The following EZH2 variants were observed in gnomAD, a reference collection of about 807,000 sequenced individuals.
EZH2 encodes the protein histone-lysine N-methyltransferase EZH2.
A neutral mutation model predicts 98.4 loss-of-function variants in EZH2; 18 were observed. The observed-to-expected ratio is 0.18, with a 90% confidence interval of 0.13 to 0.27. The LOEUF (loss-of-function observed/expected upper bound fraction) is 0.27, where lower values mean the gene tolerates loss of function less well. EZH2 is among the 10% of genes least tolerant of loss of function. The probability of loss-of-function intolerance (pLI) is 1.00; values close to 1 mark genes in which losing one functional copy is unlikely to be tolerated. For missense variants in EZH2, 470 were observed against 935.1 expected, an observed-to-expected ratio of 0.50 and a Z score of 6.49; for synonymous variants, 338 against 312.3, an observed-to-expected ratio of 1.08 and a Z score of -0.87.
intron 8 of EZH2, among the ~76,000 whole-genome samples, chr7:148,820,379 A>G (rs1480249188): frequency 6.6e-6 from 1 of 152,228 alleles, no homozygotes; most frequent in Admixed American, 6.5e-5. Context: ...ACTTCACAGA[A>G]TTTCTTGCAA....
chr7:148,811,748 C>G (rs1446032945), intron 15 of EZH2, 28 bp from the exon 16 acceptor site: 5 of 1,577,570 alleles, frequency 3.2e-6, no homozygotes, highest in Non-Finnish European at 4.3e-6. Flanking sequence ...ATCACATCAT[C>G]AAAAAAGGAG....
At chr7:148,825,418 A>T (rs1009499184) in intron 8 of EZH2, among the ~76,000 whole-genome samples, 1 of 152,226 alleles carries the variant, frequency 6.6e-6, no homozygotes, top group Non-Finnish European at 1.5e-5. Flanking sequence ...AAGTTTTTCT[A>T]TTTTAAGATA....
At chr7:148,862,570 GGTTT>G (rs761050034) in intron 1 of EZH2, among the ~76,000 whole-genome samples, 31 of 152,214 alleles carry the variant, frequency 2.0e-4, no homozygotes, top group Middle Eastern at 3.4e-3. Flanking sequence ...GAATAATCAT[GGTTT>G]GTCAGACCCT....
intron 9 of EZH2, among the ~76,000 whole-genome samples, chr7:148,818,512 T>G (rs1371524759): frequency 6.6e-6 from 1 of 152,228 alleles, no homozygotes; most frequent in Non-Finnish European, 1.5e-5. Context: ...AAGAATCATA[T>G]ACCTAATGTG....
intron 1 of EZH2, among the ~76,000 whole-genome samples, chr7:148,872,550 G>A (rs1430746508): frequency 1.3e-5 from 2 of 152,174 alleles, no homozygotes; most frequent in Admixed American, 1.3e-4. Context: ...ATTAGGTACA[G>A]GTTAGGTTCT....
In EZH2 at chr7:148,867,220, G is replaced by C. The variant is rs372633604; in HGVS notation, c.-8+16944C>G. Among the ~76,000 whole-genome samples the C allele has an allele frequency of 2.7e-4, 41 of 152,070 alleles. No individual in the cohort carries two copies. In the East Asian group the frequency reaches 7.8e-3, roughly 29 times the overall value. The stretch of plus-strand genomic sequence containing the variant: ...AGGCAACTGTAATCCCAGCTACTCG[G>C]GAGGCTGAGGCAGGAGAATCACTTG... On this transcript the variant is annotated intron_variant, in intron 1 of 19. Transcript: ENST00000320356.
intron 3 of EZH2, chr7:148,836,813 T>G: frequency 2.0e-6 from 1 of 494,288 alleles, no homozygotes; most frequent in Non-Finnish European, 4.0e-6. Context: ...TGAGGATGGA[T>G]AGACTTACAT....
At position 148,828,768 on chromosome 7, in the gene EZH2, C is replaced by T. The variant is rs1563243840; in HGVS notation, c.597G>A (p.Lys199=). 1.9e-6 allele frequency: 3 copies of T among 1,613,264 alleles called. No individual in the cohort carries two copies. In the African/African-American group the frequency reaches 4.0e-5, roughly 22 times the overall value. The change falls in exon 6 of 20, where the codon AAG becomes AAA. Residue 199 remains lysine (K), a synonymous_variant. Coordinates refer to ENST00000320356, the MANE Select transcript of EZH2 (RefSeq NM_004456.5). ...DGDDPEEREE[K]QKDLEDHRDD... ...CTCGGTGATCCTCCAGATCTTTCTG[C>T]TTTTCTTCTCTTTCTTCAGGATCGT...
In EZH2 at chr7:148,837,874, G is replaced by A. The variant is rs144343902; in HGVS notation, c.247-5124C>T. Among the ~76,000 whole-genome samples the A allele has an allele frequency of 1.7e-4, 26 of 152,278 alleles. No individual in the cohort carries two copies. The East Asian group carries it at 5.0e-3, about 29-fold the overall frequency. On this transcript the variant is annotated intron_variant, in intron 3 of 19. Coordinates refer to ENST00000320356, the MANE Select transcript of EZH2 (RefSeq NM_004456.5). The stretch of plus-strand genomic sequence containing the variant: ...CAGATTGTAAATTATTTCAGTTTGT[G>A]TTGTTCAGTATTTGTTACAGACCAA...
At position 148,855,830 on chromosome 7, in the gene EZH2, G is replaced by A. The variant is rs183856237; in HGVS notation, c.-7-8525C>T. ...GGAGAATCGCTTGAACCTAGGAGGC[G>A]GAGGTTGCAGTGAGCTGAGAACACG... On this transcript the variant is annotated intron_variant, in intron 1 of 19. Coordinates refer to ENST00000320356, the MANE Select transcript of EZH2 (RefSeq NM_004456.5). 1.3e-3 allele frequency among the ~76,000 whole-genome samples: 192 copies of A among 149,786 alleles called. 1 individual carries two copies. Among genetic ancestry groups the A allele is most frequent in the African/African-American group, 4.3e-3 (177 of 40,702 alleles).
At chr7:148,813,797 G>A (rs531435120) in intron 15 of EZH2, among the ~76,000 whole-genome samples, 162 bp downstream of exon 15, 1 of 151,838 alleles carries the variant, frequency 6.6e-6, no homozygotes, top group South Asian at 2.1e-4. Context: ...ACTGCCCAAG[G>A]GTGCATTACC....
chr7:148,858,998 C>A (rs1817260953), intron 1 of EZH2, among the ~76,000 whole-genome samples: 2 of 152,158 alleles, frequency 1.3e-5, no homozygotes, highest in African/African-American at 4.8e-5. Context: ...AAAAACTGGT[C>A]TTTACCCACA....
intron 1 of EZH2, among the ~76,000 whole-genome samples, chr7:148,864,076 T>C (rs1196607334): frequency 6.6e-6 from 1 of 152,248 alleles, no homozygotes; most frequent in Admixed American, 6.5e-5. Flanking sequence ...AGGAAAGTTA[T>C]ACTAATTTAG....
At chr7:148,845,318 C>A (rs1455200325) in intron 3 of EZH2, among the ~76,000 whole-genome samples, 1 of 152,172 alleles carries the variant, frequency 6.6e-6, no homozygotes, top group Non-Finnish European at 1.5e-5. Context: ...AATCCCTTTC[C>A]CCCATGCCAC....
At chr7:148,810,220 G>C in intron 17 of EZH2, 113 bp downstream of exon 17, 2 of 695,948 alleles carry the variant, frequency 2.9e-6, no homozygotes, top group East Asian at 2.5e-5. Flanking sequence ...CCTCTAAGGA[G>C]ATCCTCCTTC....
chr7:148,816,927 A>C, intron 11 of EZH2, 149 bp from the exon 12 acceptor site: 1 of 627,762 alleles, frequency 1.6e-6, no homozygotes, highest in East Asian at 2.7e-5. Context: ...CCCTACCCTC[A>C]CATTAGGGGT....
At chr7:148,874,424 A>C (rs993285080) in intron 1 of EZH2, among the ~76,000 whole-genome samples, 1 of 151,940 alleles carries the variant, frequency 6.6e-6, no homozygotes, top group African/African-American at 2.4e-5. Context: ...CACCTATCAG[A>C]GATAATACTA....
chr7:148,826,498 C>T lies in EZH2; in HGVS notation c.863G>A (p.Arg288Gln), dbSNP rs1807763199. ...TAGGAAGCAGTCATATTTAAAACATCGCCTACAGAAAAGCGTATGAAAGGA... is the reference window on the plus strand; with the variant it reads ...TAGGAAGCAGTCATATTTAAAACATTGCCTACAGAAAAGCGTATGAAAGGA... ...LHSFHTLFCR[R>Q]CFKYDCFLHR... The change falls in exon 8 of 20, where the codon CGA (arginine) becomes CAA (glutamine). Residue 288 changes from arginine to glutamine, a missense_variant. Arg to Gln is a conservative substitution (Grantham distance 43, BLOSUM62 1). Around this residue, in one of 6 missense-constraint regions of EZH2, gnomAD observed 192 missense variants for 306.8 expected, o/e 0.63. Transcript: ENST00000320356. The T allele has an allele frequency of 6.2e-7, 1 of 1,600,806 alleles. No homozygotes were observed. The highest frequency in any genetic ancestry group is 8.5e-7 in the Non-Finnish European group (1 of 1,172,282).
chr7:148,864,545 A>G (rs1818154386), intron 1 of EZH2, among the ~76,000 whole-genome samples: 1 of 151,948 alleles, frequency 6.6e-6, no homozygotes, highest in Non-Finnish European at 1.5e-5. Context: ...GCCAGGCGTG[A>G]TGGCATGTGC....
Sources: allele counts gnomAD v4.1 joint callset (sites outside exome capture counted in the v4.1 genomes callset), GRCh38; gene constraint gnomAD v4.1.1; regional missense constraint gnomAD v4.1.1; transcripts MANE v1.5; gene names NCBI Gene and HGNC (gene_info 2026-07-23, HGNC 2026-07-21).